Variants in POR observed in about 807,000 individuals in gnomAD.
POR encodes the protein NADPH--cytochrome P450 reductase.
A neutral mutation model predicts 84.0 loss-of-function variants in POR; 56 were observed. That is an observed-to-expected ratio of 0.67 (90% CI 0.54 to 0.83). POR has a LOEUF of 0.83. POR is among the 40% of genes least tolerant of loss of function. POR has a pLI of 0.00. For synonymous variants in POR, 414 were observed against 400.5 expected (o/e 1.03, Z -0.40); for missense variants, 938 against 944.3 (o/e 0.99, Z 0.09).
At chr7:75,938,252 A>G (rs1239934567) in intron 1 of POR, among the ~76,000 whole-genome samples, 3 of 152,160 alleles carry the variant, frequency 2.0e-5, no homozygotes, top group Non-Finnish European at 1.5e-5. Context: ...GGCCATCTTC[A>G]GTGGAGAATG....
chr7:75,926,785 C>T (rs1265010469), intron 1 of POR, among the ~76,000 whole-genome samples: 4 of 151,954 alleles, frequency 2.6e-5, no homozygotes, highest in African/African-American at 4.8e-5. Context: ...GCAACAAGAG[C>T]GAAACTCTGT....
chr7:75,927,972 T>C (rs1472087590), intron 1 of POR, among the ~76,000 whole-genome samples: 24 of 143,680 alleles, frequency 1.7e-4, no homozygotes, highest in African/African-American at 5.9e-4. Context: ...AGGTTTCTTT[T>C]TTTTTTTTTT....
At chr7:75,961,859 C>A (rs192356205) in intron 2 of POR, among the ~76,000 whole-genome samples, 2 of 152,192 alleles carry the variant, frequency 1.3e-5, no homozygotes, top group East Asian at 3.9e-4. Flanking sequence ...ACAAAAAACA[C>A]AAACATTAGT....
chr7:75,974,373 C>A (rs1466222805), intron 3 of POR, among the ~76,000 whole-genome samples: 2 of 151,740 alleles, frequency 1.3e-5, no homozygotes, highest in East Asian at 3.9e-4. Context: ...GCCTTGCCAA[C>A]AGTTTGTTAT....
chr7:75,945,826 C>T (rs1057497418), intron 1 of POR, among the ~76,000 whole-genome samples: 2 of 152,200 alleles, frequency 1.3e-5, no homozygotes, highest in East Asian at 3.8e-4. Context: ...AATATCAGTG[C>T]TGAGTTGGTT....
intron 2 of POR, among the ~76,000 whole-genome samples, chr7:75,965,182 G>C (rs1338562678): frequency 2.0e-5 from 3 of 152,230 alleles, no homozygotes; most frequent in Non-Finnish European, 2.9e-5. Context: ...AGATGGGCCA[G>C]GAGGCTGCTG....
chr7:75,980,903 A>C, intron 5 of POR, 145 bp from the exon 6 acceptor site: 5 of 1,134,426 alleles, frequency 4.4e-6, no homozygotes, highest in Non-Finnish European at 6.1e-6. Context: ...TGTTCCTTGC[A>C]GTGCGAGGCG....
intron 3 of POR, among the ~76,000 whole-genome samples, chr7:75,973,403 T>A (rs1480583254): frequency 2.0e-5 from 3 of 151,824 alleles, no homozygotes; most frequent in African/African-American, 7.3e-5. Context: ...AGCCTCAAAC[T>A]CCTAGACTCA....
intron 1 of POR, among the ~76,000 whole-genome samples, chr7:75,934,768 G>A (rs1162346827): frequency 6.6e-6 from 1 of 152,198 alleles, no homozygotes; most frequent in Non-Finnish European, 1.5e-5. Context: ...ATACAGCTCA[G>A]GCTGCCACAC....
At chr7:75,926,733 G>T (rs1807151046) in intron 1 of POR, among the ~76,000 whole-genome samples, 1 of 152,180 alleles carries the variant, frequency 6.6e-6, no homozygotes, top group Admixed American at 6.6e-5. Flanking sequence ...GGCAGAGGTT[G>T]CAGTGAGCTG....
intron 3 of POR, among the ~76,000 whole-genome samples, chr7:75,977,980 T>A (rs1275024259): frequency 6.6e-6 from 1 of 152,128 alleles, no homozygotes; most frequent in Non-Finnish European, 1.5e-5. Context: ...GGGAATAGGA[T>A]TTCAGGCTTT....
At chr7:75,963,206 A>G (rs554084538) in intron 2 of POR, among the ~76,000 whole-genome samples, 45 of 152,306 alleles carry the variant, frequency 3.0e-4, no homozygotes, top group African/African-American at 1.0e-3. Context: ...CCTTGGCTCC[A>G]TCGAGCATGA....
At chr7:75,960,925 G>C (rs561022922) in intron 2 of POR, among the ~76,000 whole-genome samples, 7 of 152,012 alleles carry the variant, frequency 4.6e-5, no homozygotes, top group Non-Finnish European at 8.8e-5. Flanking sequence ...ATTTTAATTA[G>C]AACATTAAAA....
At position 75,981,041 on chromosome 7, in the gene POR, C is replaced by T. The variant is rs781787515; in HGVS notation, c.517-7C>T. On this transcript the variant is annotated splice_polypyrimidine_tract_variant and splice_region_variant and intron_variant, in intron 5 of 15. Coordinates refer to ENST00000461988, the MANE Select transcript of POR (RefSeq NM_000941.3). ...CAGGCCTCAGAGCGGCCCCTGTGTC[C>T]ACGCAGGTGTTTGGTCTTGGGAACA... 5.1e-6 allele frequency: 8 copies of T among 1,566,726 alleles called. No individual in the cohort carries two copies. Among genetic ancestry groups the T allele is most frequent in the South Asian group, 2.3e-5 (2 of 85,306 alleles).
chr7:75,985,819 A>G lies in POR; in HGVS notation c.1639A>G (p.Ile547Val). Reference sequence around the variant, plus strand: ...CGGGGTGGCACCCTTCATAGGCTTCATCCAGGAGCGGGCCTGGCTGCGACA... The same window carrying G: ...CGGGGTGGCACCCTTCATAGGCTTCGTCCAGGAGCGGGCCTGGCTGCGACA... Residue 547 changes from isoleucine (I) to valine (V), a missense_variant, in exon 13 of 16, where the codon ATC becomes GTC. By Grantham distance (29) the Ile-to-Val change is conservative (BLOSUM62 3). Coordinates refer to ENST00000461988, the MANE Select transcript of POR (RefSeq NM_000941.3). 1.3e-6 allele frequency: 2 copies of G among 1,556,818 alleles called. No individual in the cohort carries two copies. Among genetic ancestry groups the G allele is most frequent in the Non-Finnish European group, 8.7e-7 (1 of 1,148,800 alleles).
At chr7:75,954,950 C>T (rs1585106295) in intron 2 of POR, among the ~76,000 whole-genome samples, 1 of 152,006 alleles carries the variant, frequency 6.6e-6, no homozygotes. Flanking sequence ...TCAAGTGATC[C>T]GCCCACCTCG....
chr7:75,973,415 GCCATCCTCCTA>G (rs1422510458), intron 3 of POR, among the ~76,000 whole-genome samples: 2 of 151,978 alleles, frequency 1.3e-5, no homozygotes, highest in Admixed American at 6.6e-5. Context: ...CTAGACTCAA[GCCATCCTCCTA>G]CCACAGCCTC....
In POR at chr7:75,985,201, C is replaced by T. The variant is rs368493200; in HGVS notation, c.1392C>T (p.Ser464=). 1 of 1,590,774 alleles carries T rather than the reference C, an allele frequency of 6.3e-7. No individual in the cohort carries two copies. Among genetic ancestry groups the T allele is most frequent in the Non-Finnish European group, 8.5e-7 (1 of 1,173,760 alleles). ...CCCGCTACTACTCCATCGCCTCATC[C>T]TCCAAGGTGAGGGCCGGCACTGCCC... The change falls in exon 12 of 16, where the codon TCC becomes TCT. Residue 464 remains serine, a synonymous_variant. Transcript: ENST00000461988.
In POR at chr7:75,917,374, TTTC is replaced by T. The variant is rs201393651; in HGVS notation, c.-5+2204_-5+2206del. 2.2e-3 allele frequency among the ~76,000 whole-genome samples: 324 copies of T among 144,994 alleles called. 15 individuals are homozygous for T. Among genetic ancestry groups the T allele is most frequent in the African/African-American group, 8.3e-3 (297 of 35,604 alleles). On this transcript the variant is annotated intron_variant, in intron 1 of 15. Coordinates refer to ENST00000461988, the MANE Select transcript of POR (RefSeq NM_000941.3). Reference sequence around the variant, plus strand: ...TGAGCCACCGTTCCTGGCTTTCTTATTTCTTCTTCTTTTTTTTTTTTTTTTTTC... The same window carrying T: ...TGAGCCACCGTTCCTGGCTTTCTTATTTCTTCTTTTTTTTTTTTTTTTTTC...
Sources: gnomAD v4.1 joint callset for allele counts (sites outside exome capture counted in the v4.1 genomes callset) on GRCh38, gnomAD v4.1.1 for gene constraint, MANE v1.5 for transcripts, NCBI Gene and HGNC (gene_info 2026-07-23, HGNC 2026-07-21) for gene names.